The following ABCA1 variants were observed in gnomAD, a reference collection of about 807,000 sequenced individuals.
The protein encoded by ABCA1 is phospholipid-transporting ATPase ABCA1.
Under a neutral mutation model 262.5 loss-of-function variants are expected in ABCA1, and 133 were observed. That is an observed-to-expected ratio of 0.51 (90% CI 0.44 to 0.59). The LOEUF (loss-of-function observed/expected upper bound fraction) is 0.59, where lower values mean the gene tolerates loss of function less well. ABCA1 is among the 20% of genes least tolerant of loss of function. The pLI is 0.00. For missense variants in ABCA1, 2,452 were observed against 2,777.5 expected (o/e 0.88, Z 2.63); for synonymous variants, 1,022 against 1,043.5 (o/e 0.98, Z 0.40).
intron 2 of ABCA1, among the ~76,000 whole-genome samples, chr9:104,896,526 GA>G (rs1200270909): frequency 6.6e-6 from 1 of 151,786 alleles, no homozygotes; most frequent in Non-Finnish European, 1.5e-5. Flanking sequence ...ATTCAATGGG[GA>G]AAAAACAGAT....
intron 9 of ABCA1, among the ~76,000 whole-genome samples, chr9:104,837,925 T>C (rs1833967293): frequency 6.6e-6 from 1 of 152,232 alleles, no homozygotes; most frequent in Non-Finnish European, 1.5e-5. Context: ...CACACTCTCA[T>C]GCCAGCCTCA....
intron 36 of ABCA1, 129 bp downstream of exon 36, chr9:104,799,690 C>G (rs1204963636): frequency 8.2e-5 from 129 of 1,572,458 alleles, no homozygotes; most frequent in Middle Eastern, 2.1e-4. Flanking sequence ...GAGCCTGGAT[C>G]AATCCAGATT....
At chr9:104,837,680 T>C (rs1193477764) in intron 9 of ABCA1, 113 bp from the exon 10 acceptor site, 1 of 1,262,720 alleles carries the variant, frequency 7.9e-7, no homozygotes, top group Non-Finnish European at 1.1e-6. Flanking sequence ...CTACCACTAC[T>C]AGTCATATAA....
In ABCA1 at chr9:104,840,491, A is replaced by G. The variant is rs559110055; in HGVS notation, c.842T>C (p.Met281Thr). Residue 281 changes from methionine (M) to threonine (T), a missense_variant, in exon 9 of 50, where the codon ATG becomes ACG. By Grantham distance (81) the Met-to-Thr change is moderately conservative (BLOSUM62 -1). This residue lies in a region of ABCA1 where 1,032 missense variants were observed against 1,089.7 expected (regional missense o/e 0.95). Transcript: ENST00000374736. ...GGTCAGAAACATCACCTCCTGTCGC[A>G]TGTCACTCCAGCTTCTCATGCTGAA... ...ELFSMRSWSD[M>T]RQEVMFLTNV... 6.2e-7 allele frequency: 1 copy of G among 1,613,940 alleles called. No homozygotes were observed. The highest frequency in any genetic ancestry group is 1.1e-5 in the South Asian group (1 of 91,062).
rs562165874 is a variant in ABCA1, at chr9:104,903,605, C to A, written c.66+9G>T. 9.0e-5 allele frequency: 142 copies of A among 1,581,820 alleles called. No homozygotes were observed. Among genetic ancestry groups the A allele is most frequent in the Non-Finnish European group, 1.2e-4 (139 of 1,163,116 alleles). On this transcript the variant is annotated intron_variant, in intron 2 of 49. Coordinates refer to ENST00000374736, the MANE Select transcript of ABCA1 (RefSeq NM_005502.4). ...GAGAACCCCCCGCTGCTGAAAAACC[C>A]AAGCTTACTGTTTGTCTTCTTCTGA...
intron 11 of ABCA1, among the ~76,000 whole-genome samples, chr9:104,834,394 A>T (rs558812988): frequency 6.7e-6 from 1 of 149,864 alleles, no homozygotes; most frequent in East Asian, 2.2e-4. Flanking sequence ...TACCATCACC[A>T]GGAAGGTATG....
At chr9:104,891,839 C>T (rs1414162868) in intron 2 of ABCA1, among the ~76,000 whole-genome samples, 1 of 151,508 alleles carries the variant, frequency 6.6e-6, no homozygotes, top group African/African-American at 2.4e-5. Flanking sequence ...GTGGTGCATG[C>T]CTGTACTCCC....
chr9:104,923,839 A>G (rs1441395424), intron 1 of ABCA1, among the ~76,000 whole-genome samples: 1 of 152,170 alleles, frequency 6.6e-6, no homozygotes, highest in Non-Finnish European at 1.5e-5. Context: ...CAGGAGTTCA[A>G]GACCAGTCTG....
In ABCA1 at chr9:104,840,423, C is replaced by T. The variant is rs764225891; in HGVS notation, c.910G>A (p.Val304Met). The T allele has an allele frequency of 1.2e-6, 2 of 1,614,186 alleles. No individual in the cohort carries two copies. Among genetic ancestry groups the T allele is most frequent in the Admixed American group, 3.3e-5 (2 of 60,028 alleles). ...SSSSTQIYQA[V>M]SRIVCGHPEG... is the part of the protein sequence containing the mutation. ...GGATGCCCGCAGACAATACGAGACA[C>T]AGCCTGGTAGATTTGGGTGGAGGAG... Residue 304 changes from valine (V) to methionine (M), a missense_variant, in exon 9 of 50, where the codon GTG (valine) becomes ATG (methionine). This residue lies in a region of ABCA1 where 1,032 missense variants were observed against 1,089.7 expected (regional missense o/e 0.95). Coordinates refer to ENST00000374736, the MANE Select transcript of ABCA1 (RefSeq NM_005502.4).
Position 104,861,727 on chromosome 9 carries a change from T to A in ABCA1, c.495A>T (p.Pro165=). 1.2e-6 allele frequency: 2 copies of A among 1,613,920 alleles called. No homozygotes were observed. The highest frequency in any genetic ancestry group is 1.1e-5 in the South Asian group (1 of 91,066). ...SGFLYHNLSL[P]KSTVDKMLRA... ...TCAGCATCTTGTCCACAGTAGACTT[T>A]GGGAGAGAGAGGTTGTGATACAGGA... The change falls in exon 6 of 50, where the codon CCA becomes CCT. Residue 165 remains proline, a synonymous_variant. Transcript: ENST00000374736.
chr9:104,861,430 C>A (rs374628033), intron 6 of ABCA1: 11 of 599,836 alleles, frequency 1.8e-5, no homozygotes, highest in East Asian at 5.5e-5. Flanking sequence ...ATCACAAATG[C>A]CAAGTGATAA....
chr9:104,897,718 C>T (rs1840335873), intron 2 of ABCA1, among the ~76,000 whole-genome samples: 1 of 152,200 alleles, frequency 6.6e-6, no homozygotes, highest in Non-Finnish European at 1.5e-5. Flanking sequence ...ATTCTCCTGC[C>T]TCACCCTCCC....
rs773657016 is a variant in ABCA1 at position 104,853,888 on chromosome 9, C to G, written c.720+4634G>C. Among the ~76,000 whole-genome samples, 45 of 152,206 alleles carry G rather than the reference C, an allele frequency of 3.0e-4. 1 individual carries two copies. The highest frequency in any genetic ancestry group is 1.2e-4 in the Non-Finnish European group (8 of 68,024). ...GCTACAGCAGACTGAATATCCCCTG[C>G]AAAGATGTCCACACCCTATTCCTGG... On this transcript the variant is annotated intron_variant, in intron 7 of 49. Transcript: ENST00000374736.
intron 5 of ABCA1, among the ~76,000 whole-genome samples, chr9:104,864,124 AATGCCCAG>A (rs1458004318): frequency 6.6e-6 from 1 of 152,232 alleles, no homozygotes; most frequent in Non-Finnish European, 1.5e-5. Context: ...TAGTACCACC[AATGCCCAG>A]ATCAGGCCTG....
At chr9:104,902,398 A>G (rs1840736249) in intron 2 of ABCA1, among the ~76,000 whole-genome samples, 1 of 152,252 alleles carries the variant, frequency 6.6e-6, no homozygotes, top group South Asian at 2.1e-4. Context: ...TTCAATCATT[A>G]GCACATGATA....
chr9:104,880,623 C>T (rs1838549804), intron 5 of ABCA1, among the ~76,000 whole-genome samples: 1 of 151,952 alleles, frequency 6.6e-6, no homozygotes, highest in South Asian at 2.1e-4. Flanking sequence ...TGTGCATTTC[C>T]CCCTATACTG....
At chr9:104,905,343 C>T (rs1841038737) in intron 1 of ABCA1, among the ~76,000 whole-genome samples, 1 of 152,158 alleles carries the variant, frequency 6.6e-6, no homozygotes, top group Non-Finnish European at 1.5e-5. Flanking sequence ...TTATCTACCA[C>T]CCAACAAGGA....
chr9:104,814,613 C>A lies in ABCA1; in HGVS notation c.3739-138G>T, dbSNP rs1200595232. The A allele has an allele frequency of 4.4e-6, 4 of 905,984 alleles. No homozygotes were observed. The East Asian group carries it at 1.0e-4, about 24-fold the overall frequency. 56.1% of individuals were successfully genotyped at this position (905,984 alleles called of 1,614,324 possible). A position where few individuals can be genotyped will look rare whatever the true frequency, so the allele number is the denominator to read the frequency against. Reference sequence around the variant, plus strand: ...GTAGAAGCCACATTTCTTAATAACACTTTCTCAGAGTTACCTGGGAGAGAA... The same window carrying A: ...GTAGAAGCCACATTTCTTAATAACAATTTCTCAGAGTTACCTGGGAGAGAA... On this transcript the variant is annotated intron_variant, in intron 25 of 49. Coordinates refer to ENST00000374736, the MANE Select transcript of ABCA1 (RefSeq NM_005502.4).
intron 40 of ABCA1, 134 bp downstream of exon 40, chr9:104,794,253 T>C: frequency 7.3e-7 from 1 of 1,361,310 alleles, no homozygotes; most frequent in Non-Finnish European, 1.0e-6. Context: ...GCATGAGCCC[T>C]GTCACTGGGC....
Sources: gnomAD v4.1 joint callset for allele counts (sites outside exome capture counted in the v4.1 genomes callset) on GRCh38, gnomAD v4.1.1 for gene constraint, gnomAD v4.1.1 regional missense constraint, MANE v1.5 for transcripts, NCBI Gene and HGNC (gene_info 2026-07-23, HGNC 2026-07-21) for gene names.